PDE3A: variants seen among roughly 807,000 people sequenced by gnomAD.
The protein encoded by PDE3A is phosphodiesterase 3A, also known as cGMP-inhibited 3',5'-cyclic phosphodiesterase 3A.
A neutral mutation model predicts 98.3 loss-of-function variants in PDE3A; 43 were observed. The observed-to-expected ratio is 0.44, with a 90% confidence interval of 0.34 to 0.56. The LOEUF is 0.56. Among genes scored for constraint, PDE3A ranks in the 20% least tolerant of loss-of-function variants. The pLI is 0.01. For missense variants in PDE3A, 1,427 were observed against 1,440.7 expected, an observed-to-expected ratio of 0.99 and a Z score of 0.15; for synonymous variants, 663 against 567.9, an observed-to-expected ratio of 1.17 and a Z score of -2.38.
At position 20,606,965 on chromosome 12, in the gene PDE3A, A is replaced by G. The variant is rs370568681; in HGVS notation, c.1012-6478A>G. Among the ~76,000 whole-genome samples the G allele has an allele frequency of 9.9e-5, 15 of 152,158 alleles. 1 individual carries two copies. The highest frequency in any genetic ancestry group is 5.9e-4 in the Admixed American group (9 of 15,294). ...GTTGTATTTTAAACTTCTTATCTAT[A>G]GCATCAGACTTTCTGGGCCTTTGGT... On this transcript the variant is annotated intron_variant, in intron 2 of 15. Transcript: ENST00000359062.
At chr12:20,510,247 G>GT (rs1256878359) in intron 1 of PDE3A, among the ~76,000 whole-genome samples, 1 of 151,910 alleles carries the variant, frequency 6.6e-6, no homozygotes, top group African/African-American at 2.4e-5. Flanking sequence ...CAAACTGTGA[G>GT]TTTTTTTCTA....
chr12:20,568,234 T>G (rs1469644964), intron 2 of PDE3A, among the ~76,000 whole-genome samples: 4 of 151,994 alleles, frequency 2.6e-5, no homozygotes, highest in African/African-American at 9.6e-5. Context: ...AGCATTAATA[T>G]TTACTTTTAA....
chr12:20,422,549 C>T (rs1433405310), intron 1 of PDE3A, among the ~76,000 whole-genome samples: 2 of 151,928 alleles, frequency 1.3e-5, no homozygotes, highest in East Asian at 3.9e-4. Context: ...TGAGGGGCCC[C>T]CATTATAATA....
At chr12:20,377,644 T>C (rs1170552353) in intron 1 of PDE3A, among the ~76,000 whole-genome samples, 1 of 151,890 alleles carries the variant, frequency 6.6e-6, no homozygotes, top group East Asian at 1.9e-4. Flanking sequence ...ATATGTGTAA[T>C]CTTGATAGCT....
In PDE3A at chr12:20,683,088, A is replaced by G. The variant is rs1419768694; in HGVS notation, c.*2817A>G. On this transcript the variant is annotated 3_prime_UTR_variant, in exon 16 of 16. Transcript: ENST00000359062. ...TGTGTTCAGCAATCCAGGCAGATTG[A>G]TACATTTTTCTTTAAAAATAAATTG... 6.6e-6 allele frequency: 1 copy of G among 152,202 alleles called. No homozygotes were observed. Among genetic ancestry groups the G allele is most frequent in the Admixed American group, 6.5e-5 (1 of 15,276 alleles). The allele number at this position is 152,202 out of a possible 1,614,324, so 9.4% of individuals were successfully genotyped here.
At chr12:20,442,732 A>G (rs1944890095) in intron 1 of PDE3A, among the ~76,000 whole-genome samples, 1 of 152,266 alleles carries the variant, frequency 6.6e-6, no homozygotes, top group Non-Finnish European at 1.5e-5. Context: ...AGTGAAAACT[A>G]AAACAATCCT....
chr12:20,635,232 A>G (rs549233010), intron 8 of PDE3A, among the ~76,000 whole-genome samples, 176 bp downstream of exon 8: 1 of 152,266 alleles, frequency 6.6e-6, no homozygotes, highest in South Asian at 2.1e-4. Flanking sequence ...CAGCCTGACC[A>G]ATATGGTGAA....
intron 1 of PDE3A, among the ~76,000 whole-genome samples, chr12:20,392,777 C>T (rs1045787235): frequency 1.3e-4 from 19 of 151,950 alleles, no homozygotes; most frequent in African/African-American, 4.4e-4. Flanking sequence ...TATATAAACA[C>T]AATGGAATAC....
chr12:20,515,154 C>T (rs1248822209), intron 1 of PDE3A, among the ~76,000 whole-genome samples: 1 of 152,190 alleles, frequency 6.6e-6, no homozygotes, highest in Non-Finnish European at 1.5e-5. Context: ...GTTACAATGG[C>T]ATTTAAATTT....
At chr12:20,497,607 C>CAAAT (rs562119491) in intron 1 of PDE3A, among the ~76,000 whole-genome samples, 4 of 148,756 alleles carry the variant, frequency 2.7e-5, no homozygotes, top group African/African-American at 9.8e-5. Context: ...TATGTTAGTA[C>CAAAT]AAATAAATAA....
At chr12:20,514,658 T>C (rs1946284442) in intron 1 of PDE3A, among the ~76,000 whole-genome samples, 1 of 152,232 alleles carries the variant, frequency 6.6e-6, no homozygotes, top group Admixed American at 6.5e-5. Context: ...TATAGATTTG[T>C]TCAGTGTTAA....
intron 1 of PDE3A, among the ~76,000 whole-genome samples, chr12:20,405,480 C>G (rs1328172806): frequency 6.6e-6 from 1 of 152,098 alleles, no homozygotes; most frequent in South Asian, 2.1e-4. Flanking sequence ...TCTCATTCAC[C>G]TGAGCTGCTC....
chr12:20,405,435 C>G (rs1430830297), intron 1 of PDE3A, among the ~76,000 whole-genome samples: 1 of 152,088 alleles, frequency 6.6e-6, no homozygotes, highest in Non-Finnish European at 1.5e-5. Flanking sequence ...AGGCCCCTCT[C>G]TTTCACAAAG....
chr12:20,675,628 T>C (rs1043019943), intron 15 of PDE3A, among the ~76,000 whole-genome samples: 11 of 152,210 alleles, frequency 7.2e-5, no homozygotes, highest in Non-Finnish European at 1.6e-4. Flanking sequence ...TCAGGTTTAG[T>C]ATCTGGTTGC....
chr12:20,528,587 A>G, intron 1 of PDE3A, among the ~76,000 whole-genome samples: 1 of 152,220 alleles, frequency 6.6e-6, no homozygotes, highest in East Asian at 1.9e-4. Context: ...TCTTCCTAGT[A>G]CTTACTGCAT....
At chr12:20,501,025 C>T (rs554789364) in intron 1 of PDE3A, among the ~76,000 whole-genome samples, 1 of 152,268 alleles carries the variant, frequency 6.6e-6, no homozygotes, top group South Asian at 2.1e-4. Flanking sequence ...ACCTCGGTCT[C>T]CCAAAGTGCT....
At chr12:20,616,064 T>A (rs1364483313) in intron 3 of PDE3A, among the ~76,000 whole-genome samples, 166 bp from the exon 4 acceptor site, 1 of 138,156 alleles carries the variant, frequency 7.2e-6, no homozygotes, top group Non-Finnish European at 1.5e-5. Context: ...CCAGAGAGTC[T>A]TTTATTAAAT....
intron 15 of PDE3A, among the ~76,000 whole-genome samples, chr12:20,665,198 C>A (rs1945279327): frequency 6.6e-6 from 1 of 152,144 alleles, no homozygotes; most frequent in Admixed American, 6.5e-5. Flanking sequence ...CTGCTGCTGG[C>A]AAGCATCATA....
rs1942235695 is a variant in PDE3A at position 20,552,364 on chromosome 12, C to T, written c.961-4296C>T. ...GTCCGGGTTTCTCGTGTGGCGCTAC[C>T]TTCTGCGGAGGGACGATGATGAGCC... On this transcript the variant is annotated intron_variant, in intron 1 of 15. Transcript: ENST00000359062. This position sits in a 1 kb window ranked among gnomAD's most constrained non-coding sequence, Gnocchi z 5.1. 6.2e-7 allele frequency: 1 copy of T among 1,613,734 alleles called. No homozygotes were observed. The highest frequency in any genetic ancestry group is 2.2e-5 in the East Asian group (1 of 44,838).
Sources: gnomAD v4.1 joint callset for allele counts (sites outside exome capture counted in the v4.1 genomes callset) on GRCh38, gnomAD v4.1.1 for gene constraint, Gnocchi (gnomAD v3.1) non-coding constraint, MANE v1.5 for transcripts, NCBI Gene and HGNC (gene_info 2026-07-23, HGNC 2026-07-21) for gene names.